TUB: variants seen among roughly 807,000 people sequenced by gnomAD.
The protein encoded by TUB is tubby protein homolog.
A neutral mutation model predicts 59.7 loss-of-function variants in TUB; 33 were observed. The observed-to-expected ratio is 0.55, with a 90% CI of 0.42 to 0.74. The LOEUF (loss-of-function observed/expected upper bound fraction) is 0.74, where lower values mean the gene tolerates loss of function less well. Among genes scored for constraint, TUB ranks in the 30% least tolerant of loss-of-function variants. The pLI is 0.00. For synonymous variants in TUB, 293 were observed against 256.4 expected, an observed-to-expected ratio of 1.14 and a Z score of -1.36; for missense variants, 659 against 672.0, an observed-to-expected ratio of 0.98 and a Z score of 0.21.
chr11:8,027,925 C>T (rs535345777), intron 1 of TUB, among the ~76,000 whole-genome samples: 4 of 152,226 alleles, frequency 2.6e-5, no homozygotes, highest in South Asian at 2.1e-4. Flanking sequence ...TATTTGAGTC[C>T]GTCTTAGATT....
chr11:8,076,219 T>A (rs1589952557), upstream of TUB: 1 of 152,138 alleles, frequency 6.6e-6, no homozygotes, highest in Non-Finnish European at 1.5e-5. Flanking sequence ...CACAGGCTGG[T>A]CCTGAAGCAG....
intron 1 of TUB, among the ~76,000 whole-genome samples, chr11:8,025,624 T>G (rs895538270): frequency 1.3e-5 from 2 of 152,252 alleles, no homozygotes; most frequent in Non-Finnish European, 2.9e-5. Context: ...GTAATTATTG[T>G]GATATTCTTC....
intron 2 of TUB, among the ~76,000 whole-genome samples, chr11:8,069,700 TG>T (rs540134947): frequency 5.8e-4 from 89 of 152,326 alleles, no homozygotes; most frequent in African/African-American, 2.0e-3. Flanking sequence ...TTTTTGCTGT[TG>T]TTTTTTTTTC....
At chr11:8,084,055 G>T (rs977034990) in intron 1 of TUB, among the ~76,000 whole-genome samples, 1 of 152,188 alleles carries the variant, frequency 6.6e-6, no homozygotes, top group African/African-American at 2.4e-5. Flanking sequence ...GGGGGCAGGG[G>T]GTGGCATGCA....
chr11:8,019,871 C>T (rs1334058736), intron 1 of TUB, among the ~76,000 whole-genome samples: 1 of 152,124 alleles, frequency 6.6e-6, no homozygotes, highest in Admixed American at 6.5e-5. Context: ...CTGCCTGTTC[C>T]GCGGGGCGAG....
chr11:8,086,405 T>C (rs906631538), intron 1 of TUB, among the ~76,000 whole-genome samples: 1 of 152,008 alleles, frequency 6.6e-6, no homozygotes, highest in Non-Finnish European at 1.5e-5. Flanking sequence ...ACTGGGCCTA[T>C]TGAGGAAGCC....
chr11:8,101,486 C>T lies in TUB; in HGVS notation c.1388C>T (p.Pro463Leu), dbSNP rs369604607. 35 of 1,614,058 alleles carry T rather than the reference C, an allele frequency of 2.2e-5. No individual in the cohort carries two copies. Among genetic ancestry groups the T allele is most frequent in the South Asian group, 2.1e-4 (19 of 91,084 alleles). The part of the protein sequence containing the change: ...KNFQIIHGND[P>L]DYIVMQFGRV... ...TGTCTGTGCCTGTGCTTGGCCCCAG[C>T]GGACTACATCGTGATGCAGTTTGGC... The change falls in exon 12 of 12, where the codon CCG becomes CTG. Residue 463 changes from proline to leucine, a missense_variant and splice_region_variant. By Grantham distance (98) the Pro-to-Leu change is moderately conservative. Around this residue, in one of 3 missense-constraint regions of TUB, gnomAD observed 226 missense variants for 210.8 expected, o/e 1.07. Coordinates refer to ENST00000299506, the MANE Select transcript of TUB (RefSeq NM_177972.3).
intron 1 of TUB, among the ~76,000 whole-genome samples, chr11:8,021,258 G>C (rs1942422159): frequency 6.6e-6 from 1 of 152,260 alleles, no homozygotes; most frequent in Middle Eastern, 3.4e-3. Flanking sequence ...AGATCAGTTT[G>C]AGACCAGCCT....
Position 8,039,772 on chromosome 11 carries a change from C to T in TUB, c.203+80C>T, listed in dbSNP as rs558568517. The T allele has an allele frequency of 7.4e-5, 95 of 1,282,158 alleles. No homozygotes were observed. The East Asian group carries it at 1.6e-3, about 21-fold the overall frequency. The allele number at this position is 1,282,158 out of a possible 1,614,324, so 79.4% of individuals were successfully genotyped here. ...GACTGTGAGGGAGGTGGGCGGAAGA[C>T]GTGGGTGGCTCAGGGGCCATGAACC... On this transcript the variant is annotated intron_variant, in intron 2 of 12. Transcript: ENST00000305253.
At chr11:8,092,121 G>A (rs1361805528) in intron 3 of TUB, among the ~76,000 whole-genome samples, 7 of 152,232 alleles carry the variant, frequency 4.6e-5, no homozygotes, top group East Asian at 3.8e-4. Context: ...TACAACTAGC[G>A]CCTCTGGCGT....
intron 2 of TUB, among the ~76,000 whole-genome samples, chr11:8,059,431 C>T (rs1341512081): frequency 6.6e-6 from 1 of 152,108 alleles, no homozygotes; most frequent in Non-Finnish European, 1.5e-5. Flanking sequence ...TGCCTCTCGA[C>T]ATTTAGTGTG....
At chr11:8,094,589 TCGCCG>T (rs1016857810) in intron 4 of TUB, among the ~76,000 whole-genome samples, 1 of 152,198 alleles carries the variant, frequency 6.6e-6, no homozygotes, top group Non-Finnish European at 1.5e-5. Flanking sequence ...TATGCAGCCC[TCGCCG>T]TCAGCTCTTC....
At chr11:8,035,549 G>A (rs1942633827), upstream of TUB, 1 of 152,256 alleles carries the variant, frequency 6.6e-6, no homozygotes, top group Admixed American at 6.5e-5. Context: ...GGACCCAAAG[G>A]GCCCCTCCAT....
chr11:8,029,502 C>T (rs1942541972), intron 1 of TUB, among the ~76,000 whole-genome samples: 1 of 151,744 alleles, frequency 6.6e-6, no homozygotes, highest in African/African-American at 2.4e-5. Flanking sequence ...AATTCTCCTG[C>T]CTCAGCCTCC....
chr11:8,054,242 TC>T (rs2133759869), intron 2 of TUB, among the ~76,000 whole-genome samples: 1 of 152,350 alleles, frequency 6.6e-6, no homozygotes, highest in South Asian at 2.1e-4. Context: ...CTTTTCTACT[TC>T]TTTTTAAGTT....
intron 5 of TUB, among the ~76,000 whole-genome samples, chr11:8,095,880 CT>C (rs1226547630): frequency 6.6e-6 from 1 of 152,246 alleles, no homozygotes; most frequent in African/African-American, 2.4e-5. Flanking sequence ...TTTCCTTTTC[CT>C]TTTGCTCCTT....
chr11:8,029,960 A>G (rs1234057219), intron 1 of TUB, among the ~76,000 whole-genome samples: 1 of 152,142 alleles, frequency 6.6e-6, no homozygotes, highest in African/African-American at 2.4e-5. Flanking sequence ...GTACCAAGAC[A>G]GCTGGACTGG....
chr11:8,030,561 A>G (rs886787722), intron 1 of TUB, among the ~76,000 whole-genome samples: 4 of 152,028 alleles, frequency 2.6e-5, no homozygotes. Context: ...ACAACCCTAG[A>G]TATGTATGTG....
chr11:8,055,263 TAGTG>T (rs776593628), intron 2 of TUB, among the ~76,000 whole-genome samples: 4 of 152,102 alleles, frequency 2.6e-5, no homozygotes, highest in African/African-American at 4.8e-5. Context: ...GAATGCAAGA[TAGTG>T]AGTGAGCTTT....
Sources: allele counts gnomAD v4.1 joint callset (sites outside exome capture counted in the v4.1 genomes callset), GRCh38; gene constraint gnomAD v4.1.1; regional missense constraint gnomAD v4.1.1; transcripts MANE v1.5; gene names NCBI Gene and HGNC (gene_info 2026-07-23, HGNC 2026-07-21).